ERLIN1: variants seen among roughly 807,000 people sequenced by gnomAD.
ERLIN1 encodes the protein ER lipid raft associated 1.
ERLIN1 carries 24 observed loss-of-function variants against 46.9 expected under a neutral mutation model. That is an observed-to-expected ratio of 0.51 (90% confidence interval 0.37 to 0.72). ERLIN1 has a LOEUF of 0.72. ERLIN1 is among the 30% of genes least tolerant of loss of function. The pLI is 0.00. For synonymous variants in ERLIN1, 158 were observed against 143.2 expected (o/e 1.10, Z -0.74); for missense variants, 293 against 417.9 (o/e 0.70, Z 2.61).
chr10:100,174,428 T>C, intron 5 of ERLIN1, 147 bp from the exon 6 acceptor site: 1 of 588,646 alleles, frequency 1.7e-6, no homozygotes, highest in Non-Finnish European at 3.0e-6. Flanking sequence ...TTCTTCCCTT[T>C]TGTGTGGGAA....
At chr10:100,183,196 T>C (rs75251334) in intron 2 of ERLIN1, among the ~76,000 whole-genome samples, 11,380 of 152,226 alleles carry the variant, frequency 0.075, 769 homozygotes, top group African/African-American at 0.17. Flanking sequence ...GATACTTATT[T>C]TATTGTCTCC....
At chr10:100,162,586 C>T (rs11815173) in intron 8 of ERLIN1, among the ~76,000 whole-genome samples, 11,168 of 152,146 alleles carry the variant, frequency 0.073, 747 homozygotes, top group African/African-American at 0.17. Flanking sequence ...CTTCTCAAAC[C>T]ACCTGTGGAA....
Position 100,182,083 on chromosome 10 carries a change from A to G in ERLIN1, c.195+1673T>C, listed in dbSNP as rs576888769. Among the ~76,000 whole-genome samples the G allele has an allele frequency of 1.3e-3, 203 of 151,942 alleles. 3 individuals are homozygous for G. The highest frequency in any genetic ancestry group is 2.3e-3 in the Non-Finnish European group (159 of 67,988). ...CTCCAAAATCTGTTTACTATTATCT[A>G]TATCTCCTTTATTTATATTTTTGCA... On this transcript the variant is annotated intron_variant, in intron 2 of 10. Transcript: ENST00000421367.
chr10:100,151,148 A>G lies in ERLIN1; in HGVS notation c.*983T>C, dbSNP rs887930130. 1.0e-4 allele frequency: 16 copies of G among 152,768 alleles called. No individual in the cohort carries two copies. The highest frequency in any genetic ancestry group is 3.8e-4 in the African/African-American group (16 of 41,562). 9.5% of individuals were successfully genotyped at this position (152,768 alleles called of 1,614,324 possible). A position where few individuals can be genotyped will look rare whatever the true frequency, so the allele number is the denominator to read the frequency against. On this transcript the variant is annotated 3_prime_UTR_variant, in exon 11 of 11. Coordinates refer to ENST00000421367, the MANE Select transcript of ERLIN1 (RefSeq NM_006459.4). ...TAGACAGAGGTGATGGGGCAAATGA[A>G]TATACCCCAGATCCAGTTTTAAAAA...
chr10:100,182,198 T>C (rs2134182291), intron 2 of ERLIN1, among the ~76,000 whole-genome samples: 1 of 151,380 alleles, frequency 6.6e-6, no homozygotes, highest in East Asian at 1.9e-4. Flanking sequence ...TGATTTTTTT[T>C]TTTTTTTTTT....
At chr10:100,167,298 A>G (rs1349382977) in intron 7 of ERLIN1, 50 bp downstream of exon 7, 1 of 1,304,166 alleles carries the variant, frequency 7.7e-7, no homozygotes, top group Non-Finnish European at 1.1e-6. Context: ...GAATATTAAT[A>G]TGCAGACAGC....
In ERLIN1 at chr10:100,150,917, T is replaced by G. The variant is rs1432544383; in HGVS notation, c.*1214A>C. ...TTAAATTCACTGGCTGCCCAGGACG[T>G]CAGTGGAATCCTGATCTCCTGGGGG... On this transcript the variant is annotated 3_prime_UTR_variant, in exon 11 of 11. Coordinates refer to ENST00000421367, the MANE Select transcript of ERLIN1 (RefSeq NM_006459.4). 6.6e-6 allele frequency: 1 copy of G among 152,214 alleles called. No individual in the cohort carries two copies. The highest frequency in any genetic ancestry group is 1.5e-5 in the Non-Finnish European group (1 of 68,044). 9.4% of individuals were successfully genotyped at this position (152,214 alleles called of 1,614,324 possible). A position where few individuals can be genotyped will look rare whatever the true frequency, so the allele number is the denominator to read the frequency against.
chr10:100,169,524 CTG>C (rs922865994), intron 6 of ERLIN1, among the ~76,000 whole-genome samples: 16 of 150,908 alleles, frequency 1.1e-4, no homozygotes, highest in African/African-American at 3.4e-4. Context: ...ATAATAGTGA[CTG>C]TAAAAATAGT....
chr10:100,185,032 T>C (rs868389332), intron 1 of ERLIN1, among the ~76,000 whole-genome samples: 1 of 152,006 alleles, frequency 6.6e-6, no homozygotes, highest in Non-Finnish European at 1.5e-5. Context: ...ATCAGTGTTG[T>C]GCTTATGTCC....
At chr10:100,176,185 A>C (rs1844290196) in intron 4 of ERLIN1, 115 bp from the exon 5 acceptor site, 2 of 858,350 alleles carry the variant, frequency 2.3e-6, no homozygotes, top group African/African-American at 3.4e-5. Flanking sequence ...AGTGCCAACA[A>C]AATAGTGAAA....
chr10:100,180,929 AGAG>A (rs1844606695), intron 2 of ERLIN1, among the ~76,000 whole-genome samples: 1 of 152,212 alleles, frequency 6.6e-6, no homozygotes, highest in African/African-American at 2.4e-5. Context: ...CAGACATAAT[AGAG>A]GAGGTATCTG....
chr10:100,159,597 C>A (rs1367575124), intron 8 of ERLIN1, among the ~76,000 whole-genome samples: 1 of 151,092 alleles, frequency 6.6e-6, no homozygotes, highest in Non-Finnish European at 1.5e-5. Context: ...TGTAGTAACA[C>A]TGGAAATCAA....
chr10:100,178,440 A>C (rs1844444991), intron 3 of ERLIN1, among the ~76,000 whole-genome samples: 1 of 152,240 alleles, frequency 6.6e-6, no homozygotes, highest in East Asian at 1.9e-4. Flanking sequence ...CTTTTGATAC[A>C]ATTCAATGCA....
chr10:100,167,629 T>C (rs1169408833), intron 6 of ERLIN1, among the ~76,000 whole-genome samples: 1 of 152,116 alleles, frequency 6.6e-6, no homozygotes, highest in East Asian at 1.9e-4. Flanking sequence ...CAATGCCAGA[T>C]TACAGGAAAA....
intron 8 of ERLIN1, among the ~76,000 whole-genome samples, chr10:100,157,301 T>C (rs751382193): frequency 6.6e-6 from 1 of 152,122 alleles, no homozygotes; most frequent in Non-Finnish European, 1.5e-5. Context: ...GGTGATTCAT[T>C]TGAGAAGGTG....
At chr10:100,159,494 T>C (rs1843243716) in intron 8 of ERLIN1, among the ~76,000 whole-genome samples, 1 of 152,030 alleles carries the variant, frequency 6.6e-6, no homozygotes, top group Admixed American at 6.6e-5. Flanking sequence ...CACACAGACA[T>C]TTACAAAAAA....
At chr10:100,155,956 C>G (rs959695969) in intron 9 of ERLIN1, among the ~76,000 whole-genome samples, 189 bp downstream of exon 9, 5 of 152,164 alleles carry the variant, frequency 3.3e-5, no homozygotes, top group African/African-American at 1.2e-4. Flanking sequence ...CAGTCACAAA[C>G]AAACCCAAAA....
At position 100,174,088 on chromosome 10, in the gene ERLIN1, G is replaced by A. The variant is rs1358821890; in HGVS notation, c.504+120C>T. The A allele has an allele frequency of 4.5e-6, 3 of 660,962 alleles. No homozygotes were observed. The African/African-American group carries it at 5.5e-5, about 12-fold the overall frequency. The allele number at this position is 660,962 out of a possible 1,614,324, so 40.9% of individuals were successfully genotyped here. On this transcript the variant is annotated intron_variant, in intron 6 of 10. Transcript: ENST00000421367. Reference sequence around the variant, plus strand: ...AGAGATCTAAAGTCAAATTGAGAAAGGTATTCTATAAATCACCATAGCATC... The same window carrying A: ...AGAGATCTAAAGTCAAATTGAGAAAAGTATTCTATAAATCACCATAGCATC...
chr10:100,155,295 C>T (rs987034741), intron 9 of ERLIN1, among the ~76,000 whole-genome samples: 2 of 151,884 alleles, frequency 1.3e-5, no homozygotes, highest in Non-Finnish European at 2.9e-5. Context: ...GTCTCCAGCC[C>T]CCCCCCAAAT....
Sources: gnomAD v4.1 joint callset for allele counts (sites outside exome capture counted in the v4.1 genomes callset) on GRCh38, gnomAD v4.1.1 for gene constraint, MANE v1.5 for transcripts, NCBI Gene and HGNC (gene_info 2026-07-23, HGNC 2026-07-21) for gene names.